The following TERT variants were observed in gnomAD, a reference collection of about 807,000 sequenced individuals.
TERT encodes telomerase reverse transcriptase, also known as telomerase catalytic subunit.
TERT carries 42 observed loss-of-function variants against 104.0 expected under a neutral mutation model. The observed-to-expected ratio is 0.40, with a 90% CI of 0.32 to 0.52. The LOEUF is 0.52. Ranked by LOEUF, TERT falls within the 20% of genes least tolerant of loss-of-function variation. The probability of loss-of-function intolerance (pLI) is 0.43; values close to 1 mark genes in which losing one functional copy is unlikely to be tolerated. For synonymous variants in TERT, 781 were observed against 725.6 expected, an observed-to-expected ratio of 1.08 and a Z score of -1.23; for missense variants, 1,101 against 1,610.3, an observed-to-expected ratio of 0.68 and a Z score of 5.41.
chr5:1,271,900 C>G (rs1749062697), intron 7 of TERT, among the ~76,000 whole-genome samples: 1 of 152,236 alleles, frequency 6.6e-6, no homozygotes, highest in South Asian at 2.1e-4. Context: ...AAGATCAAAA[C>G]TGGCAGAGAA....
chr5:1,277,410 G>A (rs931194203), intron 6 of TERT, among the ~76,000 whole-genome samples: 2 of 152,220 alleles, frequency 1.3e-5, no homozygotes, highest in African/African-American at 4.8e-5. Flanking sequence ...ATACATCCAC[G>A]TGGCGAGTTC....
Position 1,274,588 on chromosome 5 carries a change from G to A in TERT, c.2287-2308C>T, listed in dbSNP as rs1403869143. 2.0e-5 allele frequency among the ~76,000 whole-genome samples: 3 copies of A among 152,152 alleles called. No individual in the cohort carries two copies. The highest frequency in any genetic ancestry group is 4.4e-5 in the Non-Finnish European group (3 of 68,028). ...AGCACAGAATCTAGACCCCTCTCACGCACAGTTCTCAGTAGGGTGTGTGCG... is the reference window on the plus strand; with the variant it reads ...AGCACAGAATCTAGACCCCTCTCACACACAGTTCTCAGTAGGGTGTGTGCG... On this transcript the variant is annotated intron_variant, in intron 6 of 15. Coordinates refer to ENST00000310581, the MANE Select transcript of TERT (RefSeq NM_198253.3). The surrounding 1 kb of genome is among the most constrained non-coding windows in gnomAD (Gnocchi z 5.3).
rs902277725 is a variant in TERT at position 1,294,994 on chromosome 5, G to T, written c.-5C>A. 1 of 1,315,610 alleles carries T rather than the reference G, an allele frequency of 7.6e-7. No homozygotes were observed. The highest frequency in any genetic ancestry group is 2.3e-5 in the South Asian group (1 of 43,474). 81.5% of individuals were successfully genotyped at this position (1,315,610 alleles called of 1,614,324 possible). ...GCAGCGGGGAGCGCGCGGCATCGCG[G>T]GGGTGGCCGGGGCCAGGGCTTCCCA... On this transcript the variant is annotated 5_prime_UTR_variant, in exon 1 of 16. Transcript: ENST00000310581.
rs1747931726 is a variant in TERT at position 1,258,641 on chromosome 5, C to T, written c.2989G>A (p.Val997Met). The T allele has an allele frequency of 6.4e-7, 1 of 1,570,992 alleles. No homozygotes were observed. The highest frequency in any genetic ancestry group is 8.6e-7 in the Non-Finnish European group (1 of 1,157,116). Residue 997 changes from valine (V) to methionine (M), a missense_variant, in exon 13 of 16, where the codon GTG becomes ATG. Coordinates refer to ENST00000310581, the MANE Select transcript of TERT (RefSeq NM_198253.3). ...LDLQVNSLQT[V>M]CTNIYKILLL... is the part of the protein sequence containing the mutation. ...AGGATCTTGTAGATGTTGGTGCACA[C>T]CGTCTGGAGGCTGTTCACCTAGAGT...
At chr5:1,271,800 C>G (rs1426056552) in intron 7 of TERT, among the ~76,000 whole-genome samples, 3 of 152,226 alleles carry the variant, frequency 2.0e-5, no homozygotes, top group African/African-American at 7.2e-5. Context: ...CCTTTGGCCT[C>G]AGACCCAGCA....
At position 1,289,758 on chromosome 5, in the gene TERT, T is replaced by C. The variant is rs376219479; in HGVS notation, c.1573+3555A>G. On this transcript the variant is annotated intron_variant, in intron 2 of 15. Coordinates refer to ENST00000310581, the MANE Select transcript of TERT (RefSeq NM_198253.3). ...ACGTGACAGGGACACCCGGGGACAG[T>C]GCCTCATTCACCCTACACGTGACAG... Among the ~76,000 whole-genome samples, 151 of 63,090 alleles carry C rather than the reference T, an allele frequency of 2.4e-3. 1 individual carries two copies. Among genetic ancestry groups the C allele is most frequent in the South Asian group, 0.018 (26 of 1,474 alleles). The allele number at this position is 63,090 out of a possible 152,430, so 41.4% of individuals were successfully genotyped here.
Position 1,274,676 on chromosome 5 carries a change from T to C in TERT, c.2287-2396A>G, listed in dbSNP as rs1232603009. Among the ~76,000 whole-genome samples the C allele has an allele frequency of 6.6e-6, 1 of 152,112 alleles. No homozygotes were observed. Among genetic ancestry groups the C allele is most frequent in the Non-Finnish European group, 1.5e-5 (1 of 68,010 alleles). ...GCGGGGCTCAGGCGGGAACGCTGGC[T>C]CCCCACACCCCACCTAGCCTCCCGC... On this transcript the variant is annotated intron_variant, in intron 6 of 15. Coordinates refer to ENST00000310581, the MANE Select transcript of TERT (RefSeq NM_198253.3). The surrounding 1 kb of genome is among the most constrained non-coding windows in gnomAD (Gnocchi z 5.3).
rs374244022 is a variant in TERT at position 1,257,175 on chromosome 5, C to T, written c.3032+1423G>A. ...CCACATGGGTGGGGAAACTCAGCCG[C>T]CCTGCCCTGAGCCCAGGCCCTCTAC... On this transcript the variant is annotated intron_variant, in intron 13 of 15. Coordinates refer to ENST00000310581, the MANE Select transcript of TERT (RefSeq NM_198253.3). This position sits in a 1 kb window ranked among gnomAD's most constrained non-coding sequence, Gnocchi z 5.6. Among the ~76,000 whole-genome samples, 1 of 152,192 alleles carries T rather than the reference C, an allele frequency of 6.6e-6. No homozygotes were observed. The highest frequency in any genetic ancestry group is 2.4e-5 in the African/African-American group (1 of 41,454).
Position 1,261,224 on chromosome 5 carries a change from C to G in TERT, c.2844-624G>C, listed in dbSNP as rs1748204851. Among the ~76,000 whole-genome samples, 1 of 152,214 alleles carries G rather than the reference C, an allele frequency of 6.6e-6. No individual in the cohort carries two copies. Among genetic ancestry groups the G allele is most frequent in the Non-Finnish European group, 1.5e-5 (1 of 68,036 alleles). On this transcript the variant is annotated intron_variant, in intron 11 of 15. Coordinates refer to ENST00000310581, the MANE Select transcript of TERT (RefSeq NM_198253.3). This position sits in a 1 kb window ranked among gnomAD's most constrained non-coding sequence, Gnocchi z 7.4. The stretch of plus-strand genomic sequence containing the variant: ...CCACGGCAGGCTCCTGGGGTGTGTT[C>G]TTTTACATCCAGCTTTGAACACTGC...
At chr5:1,282,665 C>T (rs374552450) in intron 2 of TERT, 41 bp from the exon 3 acceptor site, 3 of 1,606,056 alleles carry the variant, frequency 1.9e-6, no homozygotes, top group African/African-American at 2.7e-5. Context: ...TCACCGAGGG[C>T]CTGGTGACCT....
At chr5:1,276,126 C>T (rs564644703) in intron 6 of TERT, among the ~76,000 whole-genome samples, 2 of 140,552 alleles carry the variant, frequency 1.4e-5, no homozygotes, top group East Asian at 2.2e-4. Flanking sequence ...CCACCTACCC[C>T]ACGGATGAAA....
intron 12 of TERT, among the ~76,000 whole-genome samples, chr5:1,259,106 G>A (rs113796474): frequency 6.7e-5 from 9 of 135,034 alleles, no homozygotes; most frequent in African/African-American, 1.1e-4. Context: ...GAGTGGACAC[G>A]GACGCCCACA....
chr5:1,272,589 G>A lies in TERT; in HGVS notation c.2287-309C>T, dbSNP rs183675339. Among the ~76,000 whole-genome samples, 69 of 29,070 alleles carry A rather than the reference G, an allele frequency of 2.4e-3. 1 individual carries two copies. The highest frequency in any genetic ancestry group is 3.0e-3 in the Non-Finnish European group (48 of 16,104). The allele number at this position is 29,070 out of a possible 152,430, so 19.1% of individuals were successfully genotyped here. ...CCACAGTCACCACATCAGACCCTAC[G>A]ACCGCCATCCACAGTCACCACATCA... On this transcript the variant is annotated intron_variant, in intron 6 of 15. Coordinates refer to ENST00000310581, the MANE Select transcript of TERT (RefSeq NM_198253.3).
chr5:1,293,421 T>G lies in TERT; in HGVS notation c.1465A>C (p.Arg489=), dbSNP rs201990815. 7 of 1,612,926 alleles carry G rather than the reference T, an allele frequency of 4.3e-6. No individual in the cohort carries two copies. In the African/African-American group the frequency reaches 6.7e-5, roughly 15 times the overall value. The change falls in exon 2 of 16, where the codon AGG becomes CGG. Residue 489 remains arginine, a synonymous_variant. Coordinates refer to ENST00000310581, the MANE Select transcript of TERT (RefSeq NM_198253.3). ...AGGGAGATGAACTTCTTGGTGTTCC[T>G]GAGGAAGCGGCGTTCGTTGTGCCTG... is the stretch of plus-strand genomic sequence containing the variant. ...GSRHNERRFL[R]NTKKFISLGK...
Position 1,266,524 on chromosome 5 carries a change from C to T in TERT, c.2594G>A (p.Arg865His), listed in dbSNP as rs121918666. The T allele has an allele frequency of 3.1e-6, 5 of 1,609,706 alleles. No individual in the cohort carries two copies. The highest frequency in any genetic ancestry group is 4.2e-6 in the Non-Finnish European group (5 of 1,178,082). Residue 865 changes from arginine (R) to histidine (H), a missense_variant, in exon 10 of 16, where the codon CGT becomes CAT. This residue lies in a region of TERT where 463 missense variants were observed against 797.5 expected (regional missense o/e 0.58). Coordinates refer to ENST00000310581, the MANE Select transcript of TERT (RefSeq NM_198253.3). ...CACCAACAAGAAATCATCCACCAAA[C>T]GCAGGAGCAGCCTAAAATAAGGGAA... ...AGIRRDGLLL[R>H]LVDDFLLVTP...
Position 1,253,794 on chromosome 5 carries a change from C to G in TERT, c.3333G>C (p.Thr1111=), listed in dbSNP as rs200102606. Residue 1111 remains threonine (T), a synonymous_variant, in exon 16 of 16, where the codon ACG becomes ACC. Coordinates refer to ENST00000310581, the MANE Select transcript of TERT (RefSeq NM_198253.3). ...TGGCTGCGGCCTCCAGGGCAGTCAG[C>G]GTCGTCCCCGGGAGCTTCCGACTCA... ...TQLSRKLPGT[T]LTALEAAANP... 3 of 1,611,878 alleles carry G rather than the reference C, an allele frequency of 1.9e-6. No individual in the cohort carries two copies. Among genetic ancestry groups the G allele is most frequent in the Non-Finnish European group, 2.5e-6 (3 of 1,179,710 alleles).
chr5:1,267,663 G>T (rs1168829129), intron 9 of TERT, among the ~76,000 whole-genome samples: 1 of 152,184 alleles, frequency 6.6e-6, no homozygotes, highest in Non-Finnish European at 1.5e-5. Flanking sequence ...CATAAAAAAG[G>T]ATGAGTTCAT....
chr5:1,294,146 T>C lies in TERT; in HGVS notation c.740A>G (p.Glu247Gly). Residue 247 changes from glutamate to glycine, a missense_variant, in exon 2 of 16, where the codon GAG (glutamate) becomes GGG (glycine). Glu to Gly is a moderately conservative substitution (Grantham distance 98). This residue lies in a region of TERT where 504 missense variants were observed against 544.6 expected (regional missense o/e 0.93). Transcript: ENST00000310581. The stretch of plus-strand genomic sequence containing the variant: ...GGACCCCTGCCCAACGGGCGTCCGC[T>C]CCGGCTCAGGGGCAGCGCCACGCCT... ...RPRRGAAPEP[E>G]RTPVGQGSWA... The C allele has an allele frequency of 6.3e-7, 1 of 1,581,618 alleles. No individual in the cohort carries two copies. The highest frequency in any genetic ancestry group is 1.1e-5 in the South Asian group (1 of 88,072).
rs2126563014 is a variant in TERT, at chr5:1,255,413, TGA to T, written c.3033-4_3033-3del. 3 of 1,614,140 alleles carry T rather than the reference TGA, an allele frequency of 1.9e-6. No homozygotes were observed. Among genetic ancestry groups the T allele is most frequent in the Admixed American group, 3.3e-5 (2 of 60,028 alleles). ...AGCTGCAGCACACATGCGTGAAACC[TGA>T]GAGGATGGCGGACAGCGTCAGAGGA... On this transcript the variant is annotated splice_region_variant and splice_polypyrimidine_tract_variant and intron_variant, in intron 13 of 15. Coordinates refer to ENST00000310581, the MANE Select transcript of TERT (RefSeq NM_198253.3). This position sits in a 1 kb window ranked among gnomAD's most constrained non-coding sequence, Gnocchi z 6.9.
Sources: gnomAD v4.1 joint callset for allele counts (sites outside exome capture counted in the v4.1 genomes callset) on GRCh38, gnomAD v4.1.1 for gene constraint, gnomAD v4.1.1 regional missense constraint, Gnocchi (gnomAD v3.1) non-coding constraint, MANE v1.5 for transcripts, NCBI Gene and HGNC (gene_info 2026-07-23, HGNC 2026-07-21) for gene names.